The following NPAS3 variants were observed in gnomAD, a reference collection of about 807,000 sequenced individuals.
The protein encoded by NPAS3 is neuronal PAS domain-containing protein 3.
Under a neutral mutation model 73.1 loss-of-function variants are expected in NPAS3, and 14 were observed. That is an observed-to-expected ratio of 0.19 (90% confidence interval 0.13 to 0.30). The LOEUF is 0.30. Ranked by LOEUF, NPAS3 falls within the 10% of genes least tolerant of loss-of-function variation. The pLI is 1.00. For missense variants in NPAS3, 1,096 were observed against 1,250.0 expected (o/e 0.88, Z 1.86); for synonymous variants, 620 against 541.5 (o/e 1.14, Z -2.01).
At chr14:33,428,576 A>G (rs1566894466) in intron 4 of NPAS3, among the ~76,000 whole-genome samples, 1 of 152,120 alleles carries the variant, frequency 6.6e-6, no homozygotes, top group Non-Finnish European at 1.5e-5. Context: ...CCAGCAACTA[A>G]TTTAATCTGG....
chr14:33,013,599 A>G lies in NPAS3; in HGVS notation c.51-42306A>G, dbSNP rs144198203. Among the ~76,000 whole-genome samples the G allele has an allele frequency of 2.2e-3, 334 of 152,254 alleles. 1 individual carries two copies. Among genetic ancestry groups the G allele is most frequent in the Admixed American group, 4.1e-3 (62 of 15,300 alleles). ...AATCTTGTAAACTTTTTATACATCT[A>G]TACATTTAAAATATATTTTACTGTA... On this transcript the variant is annotated intron_variant, in intron 1 of 11. Coordinates refer to ENST00000356141, the Ensembl canonical transcript of NPAS3.
chr14:33,602,474 A>G (rs991302066), intron 5 of NPAS3, among the ~76,000 whole-genome samples: 1 of 152,168 alleles, frequency 6.6e-6, no homozygotes, highest in Admixed American at 6.5e-5. Flanking sequence ...CAGCACATTC[A>G]AGCACTAGGA....
intron 1 of NPAS3, among the ~76,000 whole-genome samples, chr14:32,946,023 T>G (rs2139096682): frequency 6.6e-6 from 1 of 152,298 alleles, no homozygotes; most frequent in South Asian, 2.1e-4. Flanking sequence ...CATTTTTATT[T>G]TGTGATAGTT....
intron 3 of NPAS3, among the ~76,000 whole-genome samples, chr14:33,236,115 G>A (rs1450051538): frequency 1.3e-5 from 2 of 151,928 alleles, no homozygotes; most frequent in Non-Finnish European, 2.9e-5. Context: ...AGATGGCAAA[G>A]TTGGTTCTGG....
chr14:33,666,757 A>G (rs189644131), intron 5 of NPAS3, among the ~76,000 whole-genome samples: 28 of 152,344 alleles, frequency 1.8e-4, no homozygotes, highest in Admixed American at 1.3e-3. Context: ...ATTAATTCCT[A>G]AAATCCCAAA....
At chr14:33,783,274 G>C (rs74044717) in intron 9 of NPAS3, among the ~76,000 whole-genome samples, 2,539 of 152,288 alleles carry the variant, frequency 0.017, 66 homozygotes, top group African/African-American at 0.056. Flanking sequence ...GCCAAATGCA[G>C]ATAGCACGGG....
intron 1 of NPAS3, among the ~76,000 whole-genome samples, chr14:32,996,302 G>T (rs541878207): frequency 6.6e-6 from 1 of 152,310 alleles, no homozygotes; most frequent in East Asian, 1.9e-4. Flanking sequence ...TAAAAGTTCA[G>T]AAAATTTGCA....
At chr14:33,093,539 A>G (rs1040568802) in intron 2 of NPAS3, among the ~76,000 whole-genome samples, 9 of 152,198 alleles carry the variant, frequency 5.9e-5, no homozygotes, top group African/African-American at 2.2e-4. Context: ...AACTAGTTCA[A>G]CCATTGTGGA....
chr14:33,287,662 T>C (rs1439602549), intron 3 of NPAS3, among the ~76,000 whole-genome samples: 1 of 152,216 alleles, frequency 6.6e-6, no homozygotes, highest in Non-Finnish European at 1.5e-5. Context: ...CATCACGCTT[T>C]AAGTCCAGGA....
At chr14:33,640,165 C>T (rs763039084) in intron 5 of NPAS3, among the ~76,000 whole-genome samples, 17 of 151,698 alleles carry the variant, frequency 1.1e-4, no homozygotes, top group Middle Eastern at 3.4e-3. Flanking sequence ...TGCAGTGAGC[C>T]GAGATCGCGA....
In NPAS3 at chr14:33,778,590, G is replaced by T. The variant is rs202167736; in HGVS notation, c.1153+18G>T. On this transcript the variant is annotated intron_variant, in intron 9 of 11. Transcript: ENST00000356141. Reference sequence around the variant, plus strand: ...CTTGGACTGTAAGTACCTCCTGTGTGGGGGAATAACCCCGGCTGGTGTCAG... The same window carrying T: ...CTTGGACTGTAAGTACCTCCTGTGTTGGGGAATAACCCCGGCTGGTGTCAG... 6.4e-7 allele frequency: 1 copy of T among 1,550,556 alleles called. No individual in the cohort carries two copies. The highest frequency in any genetic ancestry group is 1.1e-5 in the South Asian group (1 of 89,748).
intron 3 of NPAS3, among the ~76,000 whole-genome samples, chr14:33,260,936 A>G (rs80184663): frequency 0.011 from 1,742 of 152,270 alleles, 40 homozygotes; most frequent in African/African-American, 0.04. Context: ...AGAGTTTTCA[A>G]AATATTTTGA....
intron 5 of NPAS3, among the ~76,000 whole-genome samples, chr14:33,645,075 C>CCATCT (rs1567083366): frequency 7.1e-6 from 1 of 140,966 alleles, no homozygotes; most frequent in Non-Finnish European, 1.5e-5. Flanking sequence ...GAGTGAAACT[C>CCATCT]CATCTCAAAA....
At chr14:32,944,673 A>G (rs929236090) in intron 1 of NPAS3, among the ~76,000 whole-genome samples, 2 of 152,200 alleles carry the variant, frequency 1.3e-5, no homozygotes, top group African/African-American at 4.8e-5. Context: ...GTTTGATAGA[A>G]TAGTTAGAAG....
chr14:33,721,385 T>A (rs1288669439), intron 6 of NPAS3, among the ~76,000 whole-genome samples: 2 of 152,204 alleles, frequency 1.3e-5, no homozygotes, highest in African/African-American at 2.4e-5. Context: ...GTTTACATAT[T>A]TTACTTTCAG....
At chr14:33,783,516 C>T (rs553357020) in intron 9 of NPAS3, among the ~76,000 whole-genome samples, 3 of 144,058 alleles carry the variant, frequency 2.1e-5, no homozygotes, top group South Asian at 4.3e-4. Flanking sequence ...CCGAAAAAAC[C>T]GTCACAAGGA....
intron 2 of NPAS3, among the ~76,000 whole-genome samples, chr14:33,144,907 A>G (rs920985522): frequency 6.6e-6 from 1 of 152,078 alleles, no homozygotes; most frequent in Non-Finnish European, 1.5e-5. Context: ...ATGTGATTTT[A>G]AAAAGGATTT....
At chr14:33,490,438 A>G (rs2051836089) in intron 4 of NPAS3, among the ~76,000 whole-genome samples, 1 of 152,124 alleles carries the variant, frequency 6.6e-6, no homozygotes, top group African/African-American at 2.4e-5. Flanking sequence ...AACAGTATAC[A>G]GTGACATTGT....
intron 10 of NPAS3, among the ~76,000 whole-genome samples, chr14:33,796,892 T>C (rs2063528205): frequency 6.6e-6 from 1 of 151,962 alleles, no homozygotes; most frequent in Non-Finnish European, 1.5e-5. Flanking sequence ...CAGATGAAAA[T>C]GTGATTGTAA....
Sources: allele counts gnomAD v4.1 joint callset (sites outside exome capture counted in the v4.1 genomes callset), GRCh38; gene constraint gnomAD v4.1.1; transcripts MANE v1.5; gene names NCBI Gene and HGNC (gene_info 2026-07-23, HGNC 2026-07-21).